The following KCNH7 variants were observed in gnomAD, a reference collection of about 807,000 sequenced individuals.
KCNH7 encodes potassium voltage-gated channel subfamily H member 7.
A neutral mutation model predicts 120.8 loss-of-function variants in KCNH7; 49 were observed. That is an observed-to-expected ratio of 0.41 (90% CI 0.32 to 0.51). The LOEUF (loss-of-function observed/expected upper bound fraction) is 0.51. KCNH7 is among the 20% of genes least tolerant of loss of function. The probability of loss-of-function intolerance (pLI) is 0.38; values close to 1 mark genes in which losing one functional copy is unlikely to be tolerated. For missense variants in KCNH7, 1,097 were observed against 1,446.6 expected (o/e 0.76, Z 3.92); for synonymous variants, 547 against 516.1 (o/e 1.06, Z -0.81).
intron 6 of KCNH7, among the ~76,000 whole-genome samples, chr2:162,497,760 C>G (rs1406570893): frequency 6.6e-6 from 1 of 152,148 alleles, no homozygotes; most frequent in Non-Finnish European, 1.5e-5. Context: ...ACGGCACAAT[C>G]TCACAGTGCT....
intron 2 of KCNH7, among the ~76,000 whole-genome samples, chr2:162,631,093 GAACAC>G (rs1459260876): frequency 6.6e-6 from 1 of 152,094 alleles, no homozygotes; most frequent in Non-Finnish European, 1.5e-5. Flanking sequence ...TGGATTTCAA[GAACAC>G]CAGGCTTGCA....
intron 6 of KCNH7, among the ~76,000 whole-genome samples, chr2:162,449,112 A>G (rs2105565518): frequency 6.6e-6 from 1 of 152,130 alleles, no homozygotes; most frequent in East Asian, 1.9e-4. Flanking sequence ...GGGGAATTGT[A>G]AGCAGCCTTA....
intron 2 of KCNH7, among the ~76,000 whole-genome samples, chr2:162,701,741 G>A (rs1034040594): frequency 1.3e-5 from 2 of 152,180 alleles, no homozygotes; most frequent in African/African-American, 2.4e-5. Flanking sequence ...GGGCACAGTG[G>A]CTCACGCCTG....
chr2:162,767,971 T>A (rs765955887), intron 2 of KCNH7, among the ~76,000 whole-genome samples: 4 of 152,166 alleles, frequency 2.6e-5, no homozygotes, highest in Admixed American at 6.6e-5. Context: ...AACATTTTAA[T>A]CTGCCTGTGA....
In KCNH7 at chr2:162,617,505, A is replaced by G. The variant is rs145534975; in HGVS notation, c.308-80425T>C. ...AAAAACAAAACAAAAAAAAAATAGA[A>G]TTTAGAAAAGCAAAGCAACGTGTCT... On this transcript the variant is annotated intron_variant, in intron 2 of 15. Coordinates refer to ENST00000332142, the MANE Select transcript of KCNH7 (RefSeq NM_033272.4). 9.1e-3 allele frequency among the ~76,000 whole-genome samples: 1,378 copies of G among 152,162 alleles called. 9 individuals are homozygous for G. Among genetic ancestry groups the G allele is most frequent in the Non-Finnish European group, 0.016 (1,063 of 67,994 alleles).
chr2:162,651,029 T>G (rs765955931), intron 2 of KCNH7, among the ~76,000 whole-genome samples: 1 of 152,156 alleles, frequency 6.6e-6, no homozygotes, highest in Non-Finnish European at 1.5e-5. Context: ...CATGCTTTCA[T>G]GTAAAGGAGG....
At chr2:162,790,999 G>T (rs990738878) in intron 2 of KCNH7, among the ~76,000 whole-genome samples, 1 of 152,068 alleles carries the variant, frequency 6.6e-6, no homozygotes, top group Non-Finnish European at 1.5e-5. Context: ...GAAATAAAAA[G>T]CATCTTCATT....
At chr2:162,458,435 T>C (rs1689044466) in intron 6 of KCNH7, among the ~76,000 whole-genome samples, 1 of 152,112 alleles carries the variant, frequency 6.6e-6, no homozygotes. Context: ...GCAGCTCCTA[T>C]GCCATATGGA....
intron 9 of KCNH7, among the ~76,000 whole-genome samples, chr2:162,406,806 G>A (rs577850619): frequency 6.6e-6 from 1 of 152,066 alleles, no homozygotes; most frequent in South Asian, 2.1e-4. Flanking sequence ...GTTTGTAAAA[G>A]CTAACGTCCC....
chr2:162,807,591 C>A (rs2105559227), intron 2 of KCNH7, among the ~76,000 whole-genome samples: 1 of 152,244 alleles, frequency 6.6e-6, no homozygotes, highest in Non-Finnish European at 1.5e-5. Flanking sequence ...AAAATAATGA[C>A]ATGAAGTGGA....
intron 2 of KCNH7, among the ~76,000 whole-genome samples, chr2:162,548,382 T>C (rs77247140): frequency 2.7e-3 from 405 of 152,316 alleles, no homozygotes; most frequent in Non-Finnish European, 4.9e-3. Flanking sequence ...GGTGTGTTCT[T>C]CCAAAGGTGG....
At chr2:162,708,661 G>C (rs1033583054) in intron 2 of KCNH7, among the ~76,000 whole-genome samples, 3 of 152,072 alleles carry the variant, frequency 2.0e-5, no homozygotes, top group African/African-American at 4.8e-5. Flanking sequence ...TTGTTCAATA[G>C]AGTGCCAAAG....
intron 6 of KCNH7, chr2:162,496,877 G>T (rs1246191183): frequency 6.6e-6 from 1 of 152,026 alleles, no homozygotes; most frequent in African/African-American, 2.4e-5. Flanking sequence ...AGAAATTCAG[G>T]ACTAAATTTA....
intron 2 of KCNH7, chr2:162,795,901 TG>T (rs1684129123): frequency 6.6e-6 from 1 of 152,038 alleles, no homozygotes. Flanking sequence ...TACAGTCCGA[TG>T]TTGGGTATCT....
intron 2 of KCNH7, among the ~76,000 whole-genome samples, chr2:162,543,839 G>A (rs1388970194): frequency 6.6e-6 from 1 of 152,112 alleles, no homozygotes; most frequent in East Asian, 1.9e-4. Context: ...AGTTAGCAAG[G>A]AGCCTGGCAT....
chr2:162,637,785 A>G (rs1221997475), intron 2 of KCNH7, among the ~76,000 whole-genome samples: 1 of 152,024 alleles, frequency 6.6e-6, no homozygotes, highest in Non-Finnish European at 1.5e-5. Context: ...GACAGAGAAG[A>G]GATTGTTGTG....
In KCNH7 at chr2:162,441,540, A is replaced by G. The variant is rs576621550; in HGVS notation, c.1554+4478T>C. 4.2e-4 allele frequency among the ~76,000 whole-genome samples: 64 copies of G among 152,278 alleles called. 3 individuals carry two copies. The South Asian group carries it at 0.013, about 31-fold the overall frequency. On this transcript the variant is annotated intron_variant, in intron 7 of 15. Coordinates refer to ENST00000332142, the MANE Select transcript of KCNH7 (RefSeq NM_033272.4). ...GAAAGGAAAGGGGTCAATGAAGCAA[A>G]TAATTAATTGCAAGAATCCTAATTT...
chr2:162,468,576 AGTGGT>A (rs1689387893), intron 6 of KCNH7, among the ~76,000 whole-genome samples: 1 of 124,018 alleles, frequency 8.1e-6, no homozygotes, highest in Admixed American at 1.1e-4. Context: ...GATGGAGTGC[AGTGGT>A]GTGATCTCAG....
At chr2:162,643,960 C>T (rs6715396) in intron 2 of KCNH7, among the ~76,000 whole-genome samples, 15,712 of 151,936 alleles carry the variant, frequency 0.1, 1,506 homozygotes, top group East Asian at 0.3. Context: ...AGTTCTAACT[C>T]GTTATTTAGT....
Sources: gnomAD v4.1 joint callset for allele counts (sites outside exome capture counted in the v4.1 genomes callset) on GRCh38, gnomAD v4.1.1 for gene constraint, MANE v1.5 for transcripts, NCBI Gene and HGNC (gene_info 2026-07-23, HGNC 2026-07-21) for gene names.